Variants in PCDHA12 observed in about 807,000 individuals in gnomAD.
PCDHA12 encodes the protein protocadherin alpha 12, also known as protocadherin alpha-12.
A neutral mutation model predicts 60.0 loss-of-function variants in PCDHA12; 44 were observed. That is an observed-to-expected ratio of 0.73 (90% CI 0.58 to 0.94). PCDHA12 has a LOEUF of 0.94. Ranked by LOEUF, PCDHA12 falls within the 40% of genes least tolerant of loss-of-function variation. PCDHA12 has a pLI of 0.00. For synonymous variants in PCDHA12, 569 were observed against 553.0 expected (o/e 1.03, Z -0.40); for missense variants, 1,276 against 1,239.7 (o/e 1.03, Z -0.44).
At position 140,925,289 on chromosome 5, in the gene PCDHA12, G is replaced by T. The variant is rs190990360; in HGVS notation, c.2367+47450G>T. Among the ~76,000 whole-genome samples, 1,224 of 152,222 alleles carry T rather than the reference G, an allele frequency of 8.0e-3. 6 individuals carry two copies. The highest frequency in any genetic ancestry group is 0.019 in the African/African-American group (790 of 41,540). On this transcript the variant is annotated intron_variant, in intron 1 of 3. Coordinates refer to ENST00000398631, the MANE Select transcript of PCDHA12 (RefSeq NM_018903.4). The stretch of plus-strand genomic sequence containing the variant: ...TGTGTTCAGATTTTGCCTTTCAAAT[G>T]TTTCATTATTGGGGCTTTGGACATA...
rs1554229569 is a variant in PCDHA12, at chr5:140,967,454, G to A, written c.2368-11495G>A. ...CTTGCACCACCTGGTTCTCACAGCCGTGGATGGGGGCATCCCAGCCCGCTC... is the reference window on the plus strand; with the variant it reads ...CTTGCACCACCTGGTTCTCACAGCCATGGATGGGGGCATCCCAGCCCGCTC... On this transcript the variant is annotated intron_variant, in intron 1 of 3. Transcript: ENST00000398631. 6.2e-7 allele frequency: 1 copy of A among 1,613,614 alleles called. No individual in the cohort carries two copies. Among genetic ancestry groups the A allele is most frequent in the Admixed American group, 1.7e-5 (1 of 60,010 alleles).
chr5:140,997,668 TTGTGTGTG>T (rs35184029), intron 3 of PCDHA12, among the ~76,000 whole-genome samples: 1 of 148,244 alleles, frequency 6.7e-6, no homozygotes, highest in Non-Finnish European at 1.5e-5. Context: ...ATTATACAGC[TTGTGTGTG>T]TGTGTGTGTG....
chr5:140,883,175 A>G lies in PCDHA12; in HGVS notation c.2367+5336A>G, dbSNP rs1554177014. ...CATAAATCCGAACAATGGAGAAATTAGGACAAAAGGCAAACTAGATTTCGA... is the reference window on the plus strand; with the variant it reads ...CATAAATCCGAACAATGGAGAAATTGGGACAAAAGGCAAACTAGATTTCGA... On this transcript the variant is annotated intron_variant, in intron 1 of 3. Coordinates refer to ENST00000398631, the MANE Select transcript of PCDHA12 (RefSeq NM_018903.4). 3 of 1,614,060 alleles carry G rather than the reference A, an allele frequency of 1.9e-6. No individual in the cohort carries two copies. Among genetic ancestry groups the G allele is most frequent in the East Asian group, 4.5e-5 (2 of 44,892 alleles).
chr5:140,943,257 C>CAA lies in PCDHA12; in HGVS notation c.2368-35673_2368-35672dup, dbSNP rs1238620023. Reference sequence around the variant, plus strand: ...TGGGTCACAGAGTGAGACTCTGTCTCAAAAAAAAAAAAAAAAAAAAGAAAG... The same window carrying CAA: ...TGGGTCACAGAGTGAGACTCTGTCTCAAAAAAAAAAAAAAAAAAAAAAGAAAG... On this transcript the variant is annotated intron_variant, in intron 1 of 3. Transcript: ENST00000398631. Among the ~76,000 whole-genome samples the CAA allele has an allele frequency of 2.6e-3, 203 of 77,270 alleles. 1 individual carries two copies. Among genetic ancestry groups the CAA allele is most frequent in the African/African-American group, 9.8e-3 (185 of 18,826 alleles). The allele number at this position is 77,270 out of a possible 152,430, so 50.7% of individuals were successfully genotyped here. A position where few individuals can be genotyped will look rare whatever the true frequency, so the allele number is the denominator to read the frequency against.
intron 3 of PCDHA12, among the ~76,000 whole-genome samples, chr5:140,989,274 G>A (rs3756325): frequency 0.3 from 45,270 of 152,016 alleles, 6,976 homozygotes; most frequent in East Asian, 0.43. Flanking sequence ...GTTTCTGCTG[G>A]GGACATCTCA....
At chr5:140,956,724 C>T (rs2095305540) in intron 1 of PCDHA12, among the ~76,000 whole-genome samples, 1 of 152,176 alleles carries the variant, frequency 6.6e-6, no homozygotes, top group South Asian at 2.1e-4. Flanking sequence ...AGAATTGGTA[C>T]CAGCTCCTCT....
intron 1 of PCDHA12, among the ~76,000 whole-genome samples, chr5:140,918,094 T>C (rs1001602407): frequency 1.3e-5 from 2 of 152,188 alleles, no homozygotes; most frequent in East Asian, 1.9e-4. Context: ...ATTCTTTTTA[T>C]AGAGATCTTT....
Position 140,876,154 on chromosome 5 carries a change from A to G in PCDHA12, c.682A>G (p.Ile228Val). ...GKPELTGSVQIQITVLDVNDN... is the reference protein window; with the variant it reads ...GKPELTGSVQVQITVLDVNDN... Reference sequence around the variant, plus strand: ...ACCAGAACTAACAGGGTCTGTCCAGATTCAAATAACCGTCCTGGATGTGAA... The same window carrying G: ...ACCAGAACTAACAGGGTCTGTCCAGGTTCAAATAACCGTCCTGGATGTGAA... Residue 228 changes from isoleucine (I) to valine (V), a missense_variant, in exon 1 of 4, where the codon ATT becomes GTT. Ile to Val is a conservative substitution (Grantham distance 29, BLOSUM62 3). Coordinates refer to ENST00000398631, the MANE Select transcript of PCDHA12 (RefSeq NM_018903.4). 1 of 1,613,972 alleles carries G rather than the reference A, an allele frequency of 6.2e-7. No homozygotes were observed. Among genetic ancestry groups the G allele is most frequent in the Non-Finnish European group, 8.5e-7 (1 of 1,179,902 alleles).
At chr5:140,989,437 A>G (rs1330784508) in intron 3 of PCDHA12, among the ~76,000 whole-genome samples, 1 of 152,138 alleles carries the variant, frequency 6.6e-6, no homozygotes, top group East Asian at 1.9e-4. Flanking sequence ...AAAATTGCTG[A>G]GGTTGTTTAG....
At chr5:140,886,138 T>C (rs1166911705) in intron 1 of PCDHA12, among the ~76,000 whole-genome samples, 2 of 152,208 alleles carry the variant, frequency 1.3e-5, no homozygotes, top group African/African-American at 4.8e-5. Flanking sequence ...AACCAGATTC[T>C]TGATATCACC....
intron 1 of PCDHA12, among the ~76,000 whole-genome samples, chr5:140,975,492 A>G (rs2153807380): frequency 6.6e-6 from 1 of 152,332 alleles, no homozygotes; most frequent in South Asian, 2.1e-4. Flanking sequence ...ATCAATGTTC[A>G]TAAAATAGCA....
In PCDHA12 at chr5:140,876,616, A is replaced by C. The variant is rs2056459535; in HGVS notation, c.1144A>C (p.Asn382His). The C allele has an allele frequency of 6.2e-7, 1 of 1,614,196 alleles. No individual in the cohort carries two copies. The highest frequency in any genetic ancestry group is 8.5e-7 in the Non-Finnish European group (1 of 1,180,026). The change falls in exon 1 of 4, where the codon AAT becomes CAT. Residue 382 changes from asparagine (N) to histidine (H), a missense_variant. Transcript: ENST00000398631. ...ISVSDRDSGA[N>H]GQVICSLTPH... is the part of the protein sequence containing the mutation. ...CGTGTCGGATCGTGACTCTGGAGCC[A>C]ATGGACAGGTCATCTGCTCACTGAC...
chr5:140,877,835 G>A lies in PCDHA12; in HGVS notation c.2363G>A (p.Ser788Asn). Reference protein sequence around the residue: ...LSREDCLNPPSEPRQPNPDWR... With the variant: ...LSREDCLNPPNEPRQPNPDWR... ...CGAGAAGATTGTTTAAATCCTCCCAGTGAAGTAAGTTATTAATATTATTTA... is the reference window on the plus strand; with the variant it reads ...CGAGAAGATTGTTTAAATCCTCCCAATGAAGTAAGTTATTAATATTATTTA... Residue 788 changes from serine to asparagine, a missense_variant, in exon 1 of 4, where the codon AGT becomes AAT. Ser to Asn is a conservative substitution (Grantham distance 46). Coordinates refer to ENST00000398631, the MANE Select transcript of PCDHA12 (RefSeq NM_018903.4). 6.9e-6 allele frequency: 11 copies of A among 1,586,326 alleles called. No homozygotes were observed. The highest frequency in any genetic ancestry group is 9.4e-6 in the Non-Finnish European group (11 of 1,169,662).
At position 140,877,460 on chromosome 5, in the gene PCDHA12, C is replaced by T; in HGVS notation, c.1988C>T (p.Ala663Val). Residue 663 changes from alanine to valine, a missense_variant, in exon 1 of 4, where the codon GCC becomes GTC. Ala to Val is a moderately conservative substitution (Grantham distance 64, BLOSUM62 0). Coordinates refer to ENST00000398631, the MANE Select transcript of PCDHA12 (RefSeq NM_018903.4). ...GGTGAGCCCGCGCTGACGTCCACGG[C>T]CACGGTGCTGGTGTCGCTGGTGGAG... The part of the protein sequence containing the change: ...DHGEPALTST[A>V]TVLVSLVENG... 1 of 1,613,840 alleles carries T rather than the reference C, an allele frequency of 6.2e-7. No individual in the cohort carries two copies. Among genetic ancestry groups the T allele is most frequent in the Non-Finnish European group, 8.5e-7 (1 of 1,179,872 alleles).
chr5:140,990,808 C>G (rs537926285), intron 3 of PCDHA12, among the ~76,000 whole-genome samples: 18 of 152,212 alleles, frequency 1.2e-4, no homozygotes, highest in Non-Finnish European at 2.4e-4. Context: ...ACAGAAGAAG[C>G]TCCCTTCTCT....
At chr5:140,902,905 G>A (rs933013740) in intron 1 of PCDHA12, among the ~76,000 whole-genome samples, 3 of 152,174 alleles carry the variant, frequency 2.0e-5, no homozygotes, top group Admixed American at 6.5e-5. Flanking sequence ...TTTAGTTTAT[G>A]GCTGAGTAGT....
At chr5:140,958,946 ATAT>A (rs34256413) in intron 1 of PCDHA12, among the ~76,000 whole-genome samples, 85,222 of 151,486 alleles carry the variant, frequency 0.56, 24,557 homozygotes, top group African/African-American at 0.69. Flanking sequence ...TAATAATATT[ATAT>A]TATTATAATT....
chr5:140,915,222 C>T (rs2153533644), intron 1 of PCDHA12, among the ~76,000 whole-genome samples: 1 of 152,292 alleles, frequency 6.6e-6, no homozygotes, highest in South Asian at 2.1e-4. Context: ...GCTGGGATTA[C>T]AGGCATGAGC....
chr5:140,983,548 T>C (rs1479703561), intron 3 of PCDHA12, among the ~76,000 whole-genome samples: 1 of 152,212 alleles, frequency 6.6e-6, no homozygotes, highest in African/African-American at 2.4e-5. Context: ...GTCTCATTTA[T>C]TCCTTAAGTC....
Sources: allele counts gnomAD v4.1 joint callset (sites outside exome capture counted in the v4.1 genomes callset), GRCh38; gene constraint gnomAD v4.1.1; transcripts MANE v1.5; gene names NCBI Gene and HGNC (gene_info 2026-07-23, HGNC 2026-07-21).